Variants in IL4I1 observed in about 807,000 individuals in gnomAD.
IL4I1 encodes the protein L-amino-acid oxidase.
A neutral mutation model predicts 29.7 loss-of-function variants in IL4I1; 24 were observed. That is an observed-to-expected ratio of 0.81 (90% CI 0.59 to 1.14). The LOEUF (loss-of-function observed/expected upper bound fraction) is 1.14, where lower values mean the gene tolerates loss of function less well. IL4I1 is among the 50% of genes most tolerant of loss of function. The pLI is 0.00. For missense variants in IL4I1, 686 were observed against 785.6 expected (o/e 0.87, Z 1.52); for synonymous variants, 371 against 352.5 (o/e 1.05, Z -0.59).
intron 2 of IL4I1, among the ~76,000 whole-genome samples, chr19:49,917,186 G>C (rs1204588845): frequency 6.6e-6 from 1 of 152,232 alleles, no homozygotes; most frequent in African/African-American, 2.4e-5. Context: ...GGGGAGATCA[G>C]AGATGGGCTG....
chr19:49,899,927 T>C (rs561360816), upstream of IL4I1, among the ~76,000 whole-genome samples: 4 of 152,210 alleles, frequency 2.6e-5, no homozygotes, highest in Non-Finnish European at 5.9e-5. Context: ...CTTGAACTCC[T>C]GGGCTTAAGC....
chr19:49,892,034 C>A (rs998887959), intron 5 of IL4I1, among the ~76,000 whole-genome samples: 14 of 151,836 alleles, frequency 9.2e-5, no homozygotes, highest in Middle Eastern at 3.4e-3. Context: ...AGAATTCTTG[C>A]CCCTCAGCCT....
intron 4 of IL4I1, 55 bp downstream of exon 4, chr19:49,895,013 G>T (rs2075187368): frequency 1.5e-6 from 2 of 1,367,954 alleles, no homozygotes; most frequent in South Asian, 2.4e-5. Flanking sequence ...GTGTGGGCAT[G>T]GAGCTGGGGG....
chr19:49,890,997 G>A lies in IL4I1; in HGVS notation c.747C>T (p.Ala249=). The A allele has an allele frequency of 6.2e-7, 1 of 1,607,828 alleles. No individual in the cohort carries two copies. The highest frequency in any genetic ancestry group is 8.5e-7 in the Non-Finnish European group (1 of 1,178,076). ...GGAGTCTGTCGCTGAGGCAGCTGTG[G>A]GCCCGGAGGGCCTCGGCGAAGCTGA... The part of the protein sequence containing the change: ...FYLSFAEALR[A]HSCLSDRLQY... The change falls in exon 7 of 8, where the codon GCC becomes GCT. Residue 249 remains alanine, a synonymous_variant. Transcript: ENST00000391826.
chr19:49,907,298 AGGTGAGGCCCAAGGTGGG>A (rs1418528013), intron 2 of IL4I1: 1 of 296,976 alleles, frequency 3.4e-6, no homozygotes, highest in African/African-American at 2.3e-5. Context: ...TTCCTGGAGG[AGGTGAGGCCCAAGGTGGG>A]GGTGAGCCTG....
At chr19:49,908,181 A>G in intron 2 of IL4I1, 1 of 1,595,158 alleles carries the variant, frequency 6.3e-7, no homozygotes, top group Non-Finnish European at 8.5e-7. Flanking sequence ...TACAGACAAC[A>G]GGGCGCATTC....
At chr19:49,924,853 A>G (rs1161586558) in intron 2 of IL4I1, among the ~76,000 whole-genome samples, 1 of 152,194 alleles carries the variant, frequency 6.6e-6, no homozygotes, top group Non-Finnish European at 1.5e-5. Context: ...CTAGAGAGAA[A>G]AGGCGGCAAA....
At chr19:49,918,897 G>GGC (rs2075692081) in intron 2 of IL4I1, among the ~76,000 whole-genome samples, 2 of 10,544 alleles carry the variant, frequency 1.9e-4, no homozygotes, top group South Asian at 2.5e-3. Flanking sequence ...TGGGAGGCTG[G>GGC]GGGGGGGGGG....
chr19:49,895,698 T>TGCCCCCCCCAACCCCC, intron 3 of IL4I1, 117 bp downstream of exon 3: 1 of 705,418 alleles, frequency 1.4e-6, no homozygotes, highest in African/African-American at 1.8e-5. Flanking sequence ...AGATAGCCTC[T>TGCCCCCCCCAACCCCC]CCCCCCACAT....
At chr19:49,896,396 C>G (rs1374851968) in intron 1 of IL4I1, among the ~76,000 whole-genome samples, 2 of 152,052 alleles carry the variant, frequency 1.3e-5, no homozygotes, top group Admixed American at 6.5e-5. Flanking sequence ...CCACAGCTCT[C>G]TCGGGTTCCT....
At chr19:49,894,036 A>AT (rs1459438378) in intron 5 of IL4I1, among the ~76,000 whole-genome samples, 1 of 150,620 alleles carries the variant, frequency 6.6e-6, no homozygotes, top group Non-Finnish European at 1.5e-5. Context: ...GATGACCCAT[A>AT]TGTGTAGAAG....
rs150800946 is a variant in IL4I1 at position 49,914,542 on chromosome 19, G to A, written c.-227-10221C>T. ...CCCTTGAGTTTCAAACAACACGGCCGCCTTCACAGCCCTGGGAACCCGGAG... is the reference window on the plus strand; with the variant it reads ...CCCTTGAGTTTCAAACAACACGGCCACCTTCACAGCCCTGGGAACCCGGAG... On this transcript the variant is annotated intron_variant, in intron 2 of 9. Coordinates refer to the IL4I1 transcript ENST00000341114. 6.6e-5 allele frequency among the ~76,000 whole-genome samples: 10 copies of A among 152,114 alleles called. 1 individual carries two copies. Among genetic ancestry groups the A allele is most frequent in the African/African-American group, 1.7e-4 (7 of 41,500 alleles).
chr19:49,910,357 G>A (rs777014852), intron 2 of IL4I1, among the ~76,000 whole-genome samples: 1 of 152,012 alleles, frequency 6.6e-6, no homozygotes, highest in African/African-American at 2.4e-5. Context: ...AGATGGGGCC[G>A]GGAACCCAGG....
At chr19:49,918,903 G>C (rs1197306196) in intron 2 of IL4I1, among the ~76,000 whole-genome samples, 45 of 149,176 alleles carry the variant, frequency 3.0e-4, no homozygotes, top group Non-Finnish European at 6.1e-4. Context: ...GCTGGGGGGG[G>C]GGGGGCGGGG....
chr19:49,914,117 G>A (rs2075556774), intron 2 of IL4I1, among the ~76,000 whole-genome samples: 1 of 152,178 alleles, frequency 6.6e-6, no homozygotes, highest in Admixed American at 6.5e-5. Flanking sequence ...CGGAGGCCAA[G>A]GCAGGAGGAT....
At chr19:49,904,685 C>T (rs1390261405) in intron 2 of IL4I1, among the ~76,000 whole-genome samples, 10 of 151,706 alleles carry the variant, frequency 6.6e-5, no homozygotes, top group Admixed American at 6.6e-4. Context: ...TACAGGCACC[C>T]ACCACCACGC....
intron 6 of IL4I1, 81 bp from the exon 7 acceptor site, chr19:49,891,188 G>A: frequency 3.2e-6 from 5 of 1,555,364 alleles, no homozygotes; most frequent in Non-Finnish European, 4.4e-6. Context: ...GGGCCTCCTG[G>A]TCCCATGACA....
At position 49,895,869 on chromosome 19, in the gene IL4I1, G is replaced by T. The variant is rs138779872; in HGVS notation, c.198C>A (p.Gly66=). 2 of 1,614,154 alleles carry T rather than the reference G, an allele frequency of 1.2e-6. No individual in the cohort carries two copies. The highest frequency in any genetic ancestry group is 1.7e-6 in the Non-Finnish European group (2 of 1,180,024). The change falls in exon 3 of 8, where the codon GGC becomes GGA. Residue 66 remains glycine, a synonymous_variant. Transcript: ENST00000391826. ...TLKPQRVIVV[G]AGVAGLVAAK... Reference sequence around the variant, plus strand: ...CGGCCACCAGCCCGGCCACACCAGCGCCAACCACAATCACCCTCTGGGGCT... The same window carrying T: ...CGGCCACCAGCCCGGCCACACCAGCTCCAACCACAATCACCCTCTGGGGCT...
At chr19:49,919,467 G>A (rs1009094944) in intron 2 of IL4I1, among the ~76,000 whole-genome samples, 1 of 152,154 alleles carries the variant, frequency 6.6e-6, no homozygotes, top group Non-Finnish European at 1.5e-5. Context: ...TGAGGAAACC[G>A]AGGCCCTCAG....
Sources: allele counts gnomAD v4.1 joint callset (sites outside exome capture counted in the v4.1 genomes callset), GRCh38; gene constraint gnomAD v4.1.1; transcripts MANE v1.5; gene names NCBI Gene and HGNC (gene_info 2026-07-23, HGNC 2026-07-21).